PKD2: variants seen among roughly 807,000 people sequenced by gnomAD.
PKD2 encodes the protein polycystin-2.
PKD2 carries 48 observed loss-of-function variants against 105.9 expected under a neutral mutation model. The observed-to-expected ratio is 0.45, with a 90% CI of 0.36 to 0.58. PKD2 has a LOEUF of 0.58. Ranked by LOEUF, PKD2 falls within the 20% of genes least tolerant of loss-of-function variation. The pLI is 0.00. For missense variants in PKD2, 1,078 were observed against 1,255.3 expected (o/e 0.86, Z 2.13); for synonymous variants, 464 against 481.1 (o/e 0.96, Z 0.46).
chr4:88,056,842 A>G (rs1354605071), intron 8 of PKD2, among the ~76,000 whole-genome samples: 6 of 152,182 alleles, frequency 3.9e-5, no homozygotes, highest in Admixed American at 2.6e-4. Context: ...ATCTCGAATT[A>G]ATATTGCTGT....
chr4:88,038,259 AG>A lies in PKD2; in HGVS notation c.854del (p.Gly285AlafsTer32). On this transcript the variant is annotated frameshift_variant, in exon 4 of 15. Transcript: ENST00000237596. LOFTEE classifies it high-confidence loss of function. ...GTTTCCTTTGCTTTTAGTTCACAGA[AG>A]GCTCCTTATTGGATGGGCTGTACTG... ...SMEDFWKFTE[G>X]SLLDGLYWKM... 6.2e-7 allele frequency: 1 copy of A among 1,614,096 alleles called. No individual in the cohort carries two copies. The highest frequency in any genetic ancestry group is 8.5e-7 in the Non-Finnish European group (1 of 1,179,978).
At chr4:88,061,473 C>T (rs1578144581) in intron 9 of PKD2, among the ~76,000 whole-genome samples, 1 of 152,130 alleles carries the variant, frequency 6.6e-6, no homozygotes. Context: ...CACAGTGGCT[C>T]ACGCTTGCAA....
intron 13 of PKD2, among the ~76,000 whole-genome samples, chr4:88,071,823 C>G (rs1016314502): frequency 6.6e-6 from 1 of 152,072 alleles, no homozygotes; most frequent in Non-Finnish European, 1.5e-5. Context: ...TTTGTTATAC[C>G]TCCTGCCTCT....
chr4:88,034,816 G>T (rs1727276279), intron 2 of PKD2, among the ~76,000 whole-genome samples: 1 of 152,038 alleles, frequency 6.6e-6, no homozygotes, highest in African/African-American at 2.4e-5. Context: ...ATTAATCACG[G>T]GTATTCAGAA....
intron 1 of PKD2, among the ~76,000 whole-genome samples, chr4:88,019,083 T>G (rs1341178307): frequency 6.6e-6 from 1 of 152,232 alleles, no homozygotes; most frequent in Non-Finnish European, 1.5e-5. Flanking sequence ...CAAGGTTGTA[T>G]CCACCTCAAA....
intron 4 of PKD2, among the ~76,000 whole-genome samples, chr4:88,040,505 G>A (rs1454723713): frequency 6.6e-6 from 1 of 152,142 alleles, no homozygotes; most frequent in African/African-American, 2.4e-5. Flanking sequence ...ACATTCTCAA[G>A]TCACTCCCAT....
chr4:88,067,889 G>GT lies in PKD2; in HGVS notation c.2359-7dup, dbSNP rs1034495207. 2 of 1,613,040 alleles carry GT rather than the reference G, an allele frequency of 1.2e-6. No individual in the cohort carries two copies. The highest frequency in any genetic ancestry group is 1.3e-5 in the African/African-American group (1 of 74,884). ...TCTGCTCCTCACTCAGTGACCCCTT[G>GT]TTCTTCAGGAGGACCTGGATTTGGA... On this transcript the variant is annotated splice_polypyrimidine_tract_variant and intron_variant, in intron 12 of 14. Coordinates refer to ENST00000237596, the MANE Select transcript of PKD2 (RefSeq NM_000297.4).
rs1482917122 is a variant in PKD2, at chr4:88,008,111, C to G, written c.378C>G (p.Ala126=). Residue 126 remains alanine, a synonymous_variant, in exon 1 of 15, where the codon GCC becomes GCG. Coordinates refer to ENST00000237596, the MANE Select transcript of PKD2 (RefSeq NM_000297.4). ...VEWRPGSRRS[A]ASSAVSSVGA... is the part of the protein sequence containing the mutation. ...GGCGCCCGGGCAGCCGGAGGTCGGC[C>G]GCCTCCTCGGCCGTGAGCTCCGTGG... is the stretch of plus-strand genomic sequence containing the variant. 3 of 1,513,092 alleles carry G rather than the reference C, an allele frequency of 2.0e-6. No individual in the cohort carries two copies. Among genetic ancestry groups the G allele is most frequent in the Non-Finnish European group, 2.6e-6 (3 of 1,135,850 alleles). 93.7% of individuals were successfully genotyped at this position (1,513,092 alleles called of 1,614,324 possible).
At position 88,075,832 on chromosome 4, in the gene PKD2, T is replaced by C. The variant is rs527627616; in HGVS notation, c.*138T>C. 9 of 738,686 alleles carry C rather than the reference T, an allele frequency of 1.2e-5. No homozygotes were observed. The highest frequency in any genetic ancestry group is 3.9e-5 in the Admixed American group (2 of 51,320). The allele number at this position is 738,686 out of a possible 1,614,324, so 45.8% of individuals were successfully genotyped here. The stretch of plus-strand genomic sequence containing the variant: ...GACCGATTGCTAATCTTCTGCACTT[T>C]AATTTATTTTATATAAACTTTACCC... On this transcript the variant is annotated 3_prime_UTR_variant, in exon 15 of 15. Transcript: ENST00000237596.
intron 8 of PKD2, among the ~76,000 whole-genome samples, chr4:88,057,026 G>A (rs1166817992): frequency 1.3e-5 from 2 of 151,840 alleles, no homozygotes; most frequent in African/African-American, 2.4e-5. Flanking sequence ...GTCTTGCTCT[G>A]TTGCCCAGGC....
chr4:88,061,821 A>G (rs1412105386), intron 9 of PKD2, 85 bp from the exon 10 acceptor site: 3 of 746,830 alleles, frequency 4.0e-6, no homozygotes, highest in Admixed American at 3.7e-5. Flanking sequence ...AAGGATAAAC[A>G]AAAAGGCATG....
chr4:88,043,595 G>C, intron 5 of PKD2, 138 bp downstream of exon 5: 1 of 638,396 alleles, frequency 1.6e-6, no homozygotes, highest in Non-Finnish European at 2.8e-6. Flanking sequence ...CAAGGGAGGG[G>C]TAAAAACTGA....
intron 2 of PKD2, among the ~76,000 whole-genome samples, chr4:88,030,812 A>G (rs941495976): frequency 2.0e-5 from 3 of 152,228 alleles, no homozygotes; most frequent in African/African-American, 7.2e-5. Flanking sequence ...ACACCTGGAG[A>G]GTCTCACGAA....
Position 88,007,700 on chromosome 4 carries a change from C to A in PKD2, c.-34C>A. On this transcript the variant is annotated 5_prime_UTR_variant, in exon 1 of 15. Coordinates refer to ENST00000237596, the MANE Select transcript of PKD2 (RefSeq NM_000297.4). ...GAGGCGCACAGCGCCGAGCGCGGCGCCGCGCACCCGCGCGCCGGACGCCAG... is the reference window on the plus strand; with the variant it reads ...GAGGCGCACAGCGCCGAGCGCGGCGACGCGCACCCGCGCGCCGGACGCCAG... 1 of 1,160,728 alleles carries A rather than the reference C, an allele frequency of 8.6e-7. No individual in the cohort carries two copies. Among genetic ancestry groups the A allele is most frequent in the Non-Finnish European group, 1.1e-6 (1 of 935,778 alleles). 71.9% of individuals were successfully genotyped at this position (1,160,728 alleles called of 1,614,324 possible). A position where few individuals can be genotyped will look rare whatever the true frequency, so the allele number is the denominator to read the frequency against.
At position 88,025,921 on chromosome 4, in the gene PKD2, A is replaced by G. The variant is rs370078313; in HGVS notation, c.709+6350A>G. Among the ~76,000 whole-genome samples, 373 of 152,326 alleles carry G rather than the reference A, an allele frequency of 2.4e-3. 3 individuals are homozygous for G. The highest frequency in any genetic ancestry group is 8.6e-3 in the African/African-American group (358 of 41,584). ...TTCTCCTTTGCCTTCCACCATGATT[A>G]TAAGTTTCCTGAGGCCTTCCCAGCC... is the stretch of plus-strand genomic sequence containing the variant. On this transcript the variant is annotated intron_variant, in intron 2 of 14. Transcript: ENST00000237596.
At position 88,036,191 on chromosome 4, in the gene PKD2, G is replaced by T. The variant is rs72873478; in HGVS notation, c.710-29G>T. 3 of 1,613,542 alleles carry T rather than the reference G, an allele frequency of 1.9e-6. No individual in the cohort carries two copies. In the African/African-American group the frequency reaches 4.0e-5, roughly 22 times the overall value. On this transcript the variant is annotated intron_variant, in intron 2 of 14. Transcript: ENST00000237596. Reference sequence around the variant, plus strand: ...GTGAATGTGTGCCGGTTCCCTTGGGGCGTTCATTTGGATCTTTCTGTGTTC... The same window carrying T: ...GTGAATGTGTGCCGGTTCCCTTGGGTCGTTCATTTGGATCTTTCTGTGTTC...
Position 88,071,975 on chromosome 4 carries a change from CTT to C in PKD2, c.2523-2813_2523-2812del, listed in dbSNP as rs1199490302. 1.5e-3 allele frequency among the ~76,000 whole-genome samples: 130 copies of C among 87,106 alleles called. 1 individual carries two copies. The highest frequency in any genetic ancestry group is 3.2e-3 in the East Asian group (8 of 2,528). 57.1% of individuals were successfully genotyped at this position (87,106 alleles called of 152,430 possible). On this transcript the variant is annotated intron_variant, in intron 13 of 14. Transcript: ENST00000237596. ...TGCAGGGCTAGTTTTAGAGGCCAGT[CTT>C]TTTTTTTTTTTTTTTTTTTTTTTGA...
At chr4:88,074,561 G>A (rs552893393) in intron 13 of PKD2, among the ~76,000 whole-genome samples, 1 of 152,260 alleles carries the variant, frequency 6.6e-6, no homozygotes, top group African/African-American at 2.4e-5. Flanking sequence ...AAAATGGAAT[G>A]TCTAACTAAA....
At chr4:88,010,988 T>A (rs1046422934) in intron 1 of PKD2, among the ~76,000 whole-genome samples, 1 of 152,176 alleles carries the variant, frequency 6.6e-6, no homozygotes, top group African/African-American at 2.4e-5. Context: ...GAACAGAACA[T>A]GCTGAAAGGA....
Sources: allele counts gnomAD v4.1 joint callset (sites outside exome capture counted in the v4.1 genomes callset), GRCh38; gene constraint gnomAD v4.1.1; transcripts MANE v1.5; gene names NCBI Gene and HGNC (gene_info 2026-07-23, HGNC 2026-07-21).